The following MRTFB variants were observed in gnomAD, a reference collection of about 807,000 sequenced individuals.
MRTFB encodes myocardin-related transcription factor B.
A neutral mutation model predicts 104.2 loss-of-function variants in MRTFB; 29 were observed. The ratio of observed to expected loss-of-function variants is 0.28; its 90% CI spans 0.21 to 0.38. The LOEUF (loss-of-function observed/expected upper bound fraction) is 0.38, where lower values mean the gene tolerates loss of function less well. Among genes scored for constraint, MRTFB ranks in the 10% least tolerant of loss-of-function variants. MRTFB has a pLI of 1.00. For missense variants in MRTFB, 1,270 were observed against 1,341.6 expected (o/e 0.95, Z 0.83); for synonymous variants, 535 against 519.5 (o/e 1.03, Z -0.41).
At chr16:14,211,471 A>G (rs2041186559) in intron 4 of MRTFB, among the ~76,000 whole-genome samples, 2 of 152,180 alleles carry the variant, frequency 1.3e-5, no homozygotes, top group Non-Finnish European at 2.9e-5. Flanking sequence ...TGATTGGTCA[A>G]GTCTTGCAGG....
chr16:14,247,916 A>G (rs1244977179), intron 12 of MRTFB: 1 of 175,074 alleles, frequency 5.7e-6, no homozygotes, highest in Non-Finnish European at 1.2e-5. Context: ...ATCTCTGGAT[A>G]AGGACGCTGA....
At chr16:14,037,240 G>A in the MRTFB span, among the ~76,000 whole-genome samples, 3 of 152,166 alleles carry the variant, frequency 2.0e-5, no homozygotes, top group Non-Finnish European at 4.4e-5. Context: ...GTATGATTGC[G>A]TTTAATTGAT....
Position 14,115,516 on chromosome 16 carries a change from T to C in MRTFB, c.-63-25028T>C, listed in dbSNP as rs570672468. On this transcript the variant is annotated intron_variant, in intron 2 of 16. Coordinates refer to ENST00000571589, the MANE Select transcript of MRTFB (RefSeq NM_001308142.2). ...TTTGATGAAAGTTTATTCAGCACCTTGTACAGGTCCTCAACACCTTTTCTT... is the reference window on the plus strand; with the variant it reads ...TTTGATGAAAGTTTATTCAGCACCTCGTACAGGTCCTCAACACCTTTTCTT... Among the ~76,000 whole-genome samples, 7 of 152,360 alleles carry C rather than the reference T, an allele frequency of 4.6e-5. No homozygotes were observed. The South Asian group carries it at 1.4e-3, about 32-fold the overall frequency.
the MRTFB span, among the ~76,000 whole-genome samples, chr16:14,035,286 A>G: frequency 6.6e-6 from 1 of 152,222 alleles, no homozygotes; most frequent in Non-Finnish European, 1.5e-5. Flanking sequence ...ACAGAGAGGC[A>G]CAGCCAGGAG....
chr16:14,084,552 A>G (rs1344092152), intron 2 of MRTFB, among the ~76,000 whole-genome samples: 1 of 152,220 alleles, frequency 6.6e-6, no homozygotes, highest in African/African-American at 2.4e-5. Context: ...AAAAAATTAA[A>G]AAGATAAATA....
At chr16:14,159,786 C>T (rs918487727) in intron 3 of MRTFB, among the ~76,000 whole-genome samples, 3 of 150,872 alleles carry the variant, frequency 2.0e-5, no homozygotes, top group Admixed American at 6.6e-5. Context: ...AAAAATTAGC[C>T]GGGCGTAGTG....
intron 2 of MRTFB, among the ~76,000 whole-genome samples, chr16:14,105,543 A>G (rs1401623706): frequency 6.6e-6 from 1 of 151,926 alleles, no homozygotes; most frequent in African/African-American, 2.4e-5. Context: ...AACTATAGGC[A>G]CGTGCTACCG....
chr16:14,251,810 C>A, intron 13 of MRTFB, 52 bp from the exon 14 acceptor site: 1 of 1,587,454 alleles, frequency 6.3e-7, no homozygotes, highest in Non-Finnish European at 8.6e-7. Flanking sequence ...TTCTTTACTT[C>A]ATTAAGAAAA....
intron 3 of MRTFB, among the ~76,000 whole-genome samples, chr16:14,171,424 G>A (rs1057377361): frequency 1.3e-5 from 2 of 151,842 alleles, no homozygotes; most frequent in Non-Finnish European, 2.9e-5. Context: ...GAACGTGGGA[G>A]ACAGAGGTTG....
intron 3 of MRTFB, among the ~76,000 whole-genome samples, chr16:14,149,027 C>T (rs1245950693): frequency 6.6e-6 from 1 of 152,166 alleles, no homozygotes; most frequent in African/African-American, 2.4e-5. Flanking sequence ...ATTAGTCAGA[C>T]TTTCCTGCCA....
chr16:14,260,026 C>G (rs900008353), intron 16 of MRTFB, among the ~76,000 whole-genome samples: 10 of 152,146 alleles, frequency 6.6e-5, no homozygotes, highest in African/African-American at 2.4e-4. Flanking sequence ...ATCATAGCCT[C>G]ATAAAACTTA....
intron 8 of MRTFB, among the ~76,000 whole-genome samples, chr16:14,223,174 G>T (rs1381229588): frequency 6.6e-6 from 1 of 152,024 alleles, no homozygotes; most frequent in African/African-American, 2.4e-5. Context: ...GCTGGGCGTG[G>T]TAGTGCATAC....
chr16:14,059,971 A>G, the MRTFB span, among the ~76,000 whole-genome samples: 2 of 148,840 alleles, frequency 1.3e-5, no homozygotes, highest in Admixed American at 1.3e-4. Flanking sequence ...TTCAATATTC[A>G]TATCTGGAAA....
upstream of MRTFB, among the ~76,000 whole-genome samples, chr16:14,066,913 C>A (rs907991887): frequency 6.7e-6 from 1 of 150,346 alleles, no homozygotes; most frequent in Non-Finnish European, 1.5e-5. Flanking sequence ...TCATTCAATC[C>A]TCTCTCCTTA....
At chr16:14,023,378 G>A in the MRTFB span, among the ~76,000 whole-genome samples, 8 of 152,192 alleles carry the variant, frequency 5.3e-5, no homozygotes, top group African/African-American at 9.6e-5. Flanking sequence ...CCAGGAGGTC[G>A]AGGCTGCAGT....
At chr16:14,203,440 G>A (rs943700379) in intron 3 of MRTFB, among the ~76,000 whole-genome samples, 1 of 152,002 alleles carries the variant, frequency 6.6e-6, no homozygotes, top group Non-Finnish European at 1.5e-5. Context: ...GCTTTGCCTC[G>A]GCTTGCTCAA....
In MRTFB at chr16:14,234,239, A is replaced by C. The variant is rs2042398336; in HGVS notation, c.787A>C (p.Thr263Pro). 1 of 1,614,036 alleles carries C rather than the reference A, an allele frequency of 6.2e-7. No individual in the cohort carries two copies. The highest frequency in any genetic ancestry group is 8.5e-7 in the Non-Finnish European group (1 of 1,179,984). Residue 263 changes from threonine to proline, a missense_variant, in exon 9 of 17, where the codon ACA (threonine) becomes CCA (proline). Thr to Pro is a conservative substitution (Grantham distance 38). This residue lies in a region of MRTFB where 1,144 missense variants were observed against 1,131.5 expected (regional missense o/e 1.01). Coordinates refer to ENST00000571589, the MANE Select transcript of MRTFB (RefSeq NM_001308142.2). ...PPRPAAPVLPTNTVSSAKPGP... is the reference protein window; with the variant it reads ...PPRPAAPVLPPNTVSSAKPGP... ...ACGGCCTGCAGCTCCTGTCCTCCCC[A>C]CAAACACTGTGTCCTCAGCAAAGCC...
At chr16:14,033,599 G>C in the MRTFB span, among the ~76,000 whole-genome samples, 3 of 152,008 alleles carry the variant, frequency 2.0e-5, no homozygotes, top group Admixed American at 6.6e-5. Flanking sequence ...CACTTTGGGA[G>C]GCTGAGGCGT....
Position 14,247,212 on chromosome 16 carries a change from G to A in MRTFB, c.1952G>A (p.Arg651Lys). 1 of 1,614,172 alleles carries A rather than the reference G, an allele frequency of 6.2e-7. No individual in the cohort carries two copies. Among genetic ancestry groups the A allele is most frequent in the Non-Finnish European group, 8.5e-7 (1 of 1,180,036 alleles). ...TCACTCCCTGACTGCTCCAGCTCCA[G>A]GCAGCCCATCCCAGTAGCCAGCCAC... ...EASLPDCSSSRQPIPVASHAV... is the reference protein window; with the variant it reads ...EASLPDCSSSKQPIPVASHAV... Residue 651 changes from arginine (R) to lysine (K), a missense_variant, in exon 12 of 17, where the codon AGG becomes AAG. Coordinates refer to ENST00000571589, the MANE Select transcript of MRTFB (RefSeq NM_001308142.2).
Sources: gnomAD v4.1 joint callset for allele counts (sites outside exome capture counted in the v4.1 genomes callset) on GRCh38, gnomAD v4.1.1 for gene constraint, gnomAD v4.1.1 regional missense constraint, MANE v1.5 for transcripts, NCBI Gene and HGNC (gene_info 2026-07-23, HGNC 2026-07-21) for gene names.